The following RICTOR variants were observed in gnomAD, a reference collection of about 807,000 sequenced individuals.
The protein encoded by RICTOR is rapamycin-insensitive companion of mTOR.
Under a neutral mutation model 214.9 loss-of-function variants are expected in RICTOR, and 49 were observed. The observed-to-expected ratio is 0.23, with a 90% CI of 0.18 to 0.29. RICTOR has a LOEUF of 0.29. Ranked by LOEUF, RICTOR falls within the 10% of genes least tolerant of loss-of-function variation. The pLI, the probability that RICTOR is intolerant of heterozygous loss-of-function variation, is 1.00. For missense variants in RICTOR, 1,625 were observed against 2,047.0 expected (o/e 0.79, Z 3.98); for synonymous variants, 717 against 711.3 (o/e 1.01, Z -0.13).
intron 7 of RICTOR, among the ~76,000 whole-genome samples, chr5:38,990,628 T>TATC (rs1752575342): frequency 5.2e-5 from 5 of 95,660 alleles, no homozygotes; most frequent in African/African-American, 2.0e-4. Flanking sequence ...ATATATGATA[T>TATC]ATATATCTGA....
intron 7 of RICTOR, 94 bp downstream of exon 7, chr5:38,990,855 T>TATGATATATATATGATAG (rs143738262): frequency 7.2e-5 from 11 of 152,562 alleles, no homozygotes; most frequent in African/African-American, 4.0e-4. Context: ...ATATATGATA[T>TATGATATATATATGATAG]ATATATGATA....
At chr5:39,008,223 A>AT (rs1561526370) in intron 3 of RICTOR, among the ~76,000 whole-genome samples, 1 of 152,070 alleles carries the variant, frequency 6.6e-6, no homozygotes, top group Non-Finnish European at 1.5e-5. Flanking sequence ...AACACCAAAA[A>AT]TTTTTTTAAC....
chr5:39,054,223 G>C (rs1421764463), intron 2 of RICTOR, among the ~76,000 whole-genome samples: 1 of 152,010 alleles, frequency 6.6e-6, no homozygotes. Context: ...GCTGTGAAAT[G>C]AAAGACAAGA....
intron 11 of RICTOR, among the ~76,000 whole-genome samples, chr5:38,969,318 A>C (rs1750532100): frequency 6.6e-6 from 1 of 152,094 alleles, no homozygotes; most frequent in Admixed American, 6.5e-5. Context: ...AAAAAATTTA[A>C]AAACAGAAAA....
Position 38,941,139 on chromosome 5 carries a change from C to G in RICTOR, c.*1165G>C, listed in dbSNP as rs1353371024. ...CATATACAAATTAAACAAACAAAAA[C>G]CTTGCCCTCATCAACTTAACTTCAC... is the stretch of plus-strand genomic sequence containing the variant. On this transcript the variant is annotated 3_prime_UTR_variant, in exon 38 of 38. Transcript: ENST00000357387. 4.3e-6 allele frequency: 1 copy of G among 232,744 alleles called. No homozygotes were observed. Among genetic ancestry groups the G allele is most frequent in the Non-Finnish European group, 8.5e-6 (1 of 117,606 alleles). The allele number at this position is 232,744 out of a possible 1,614,324, so 14.4% of individuals were successfully genotyped here.
At chr5:38,987,894 T>C (rs1386712762) in intron 7 of RICTOR, among the ~76,000 whole-genome samples, 1 of 152,216 alleles carries the variant, frequency 6.6e-6, no homozygotes, top group Non-Finnish European at 1.5e-5. Flanking sequence ...CCAGAGATTC[T>C]GGTATGCTGT....
chr5:38,978,793 G>T, intron 8 of RICTOR, 143 bp from the exon 9 acceptor site: 4 of 471,450 alleles, frequency 8.5e-6, no homozygotes, highest in Non-Finnish European at 7.5e-6. Context: ...TCATCATCAG[G>T]GAATATGTTT....
chr5:38,960,251 C>G, intron 20 of RICTOR, 147 bp downstream of exon 20: 2 of 834,712 alleles, frequency 2.4e-6, no homozygotes, highest in South Asian at 3.4e-5. Context: ...GGATTCAACT[C>G]TAGGTCTGGG....
At chr5:39,020,478 A>G (rs1755333446) in intron 3 of RICTOR, among the ~76,000 whole-genome samples, 1 of 152,160 alleles carries the variant, frequency 6.6e-6, no homozygotes, top group Non-Finnish European at 1.5e-5. Context: ...AAACCCCACA[A>G]TTTGCTGAAG....
In RICTOR at chr5:38,950,636, G is replaced by A. The variant is rs1748681675; in HGVS notation, c.3212C>T (p.Thr1071Ile). The A allele has an allele frequency of 6.2e-7, 1 of 1,612,740 alleles. No homozygotes were observed. The highest frequency in any genetic ancestry group is 8.5e-7 in the Non-Finnish European group (1 of 1,179,150). Residue 1071 changes from threonine to isoleucine, a missense_variant, in exon 31 of 38, where the codon ACA becomes ATA. Coordinates refer to ENST00000357387, the MANE Select transcript of RICTOR (RefSeq NM_152756.5). ...TATGGGTCCAGATCGGTCATAAAAT[G>A]TTGGCTCTGTATCTTCATTGATATC... The part of the protein sequence containing the change: ...FLDINEDTEP[T>I]FYDRSGPIKD...
At chr5:39,048,291 T>G (rs1403719994) in intron 2 of RICTOR, among the ~76,000 whole-genome samples, 1 of 152,200 alleles carries the variant, frequency 6.6e-6, no homozygotes, top group Non-Finnish European at 1.5e-5. Context: ...TGCTTATCTT[T>G]AAAAAGGCCT....
intron 2 of RICTOR, among the ~76,000 whole-genome samples, chr5:39,071,069 CA>C (rs1489154494): frequency 6.6e-6 from 1 of 152,160 alleles, no homozygotes; most frequent in Non-Finnish European, 1.5e-5. Context: ...AGCACTAACA[CA>C]AGTACCAAAA....
chr5:39,004,406 T>A (rs1170683366), intron 3 of RICTOR, among the ~76,000 whole-genome samples: 2 of 152,208 alleles, frequency 1.3e-5, no homozygotes, highest in African/African-American at 4.8e-5. Context: ...AGTTGTGAAG[T>A]CTGCCATCAG....
chr5:39,055,525 T>C (rs868092394), intron 2 of RICTOR, among the ~76,000 whole-genome samples: 1 of 149,254 alleles, frequency 6.7e-6, no homozygotes, highest in Non-Finnish European at 1.5e-5. Flanking sequence ...CCCTAGACTA[T>C]AGGTCCATCA....
At chr5:39,043,356 A>T (rs1309282257) in intron 2 of RICTOR, among the ~76,000 whole-genome samples, 2 of 152,176 alleles carry the variant, frequency 1.3e-5, no homozygotes, top group Non-Finnish European at 2.9e-5. Context: ...AACCAGGAGG[A>T]CATGATCTTA....
chr5:39,057,568 G>T (rs1479790443), intron 2 of RICTOR, among the ~76,000 whole-genome samples: 1 of 152,034 alleles, frequency 6.6e-6, no homozygotes, highest in African/African-American at 2.4e-5. Flanking sequence ...ATATATAAGA[G>T]CAATAAATAA....
rs775936788 is a variant in RICTOR at position 38,978,583 on chromosome 5, T to C, written c.821A>G (p.Lys274Arg). Residue 274 changes from lysine (K) to arginine (R), a missense_variant and splice_region_variant, in exon 9 of 38, where the codon AAA (lysine) becomes AGA (arginine). By Grantham distance (26) the Lys-to-Arg change is conservative. Coordinates refer to ENST00000357387, the MANE Select transcript of RICTOR (RefSeq NM_152756.5). Reference sequence around the variant, plus strand: ...ATTATTAGGAACCAATGTTACTTACTTGAGCTGTCCTTCAGCTGTATCTGG... The same window carrying C: ...ATTATTAGGAACCAATGTTACTTACCTGAGCTGTCCTTCAGCTGTATCTGG... The part of the protein sequence containing the change: ...HSPDTAEGQL[K>R]EDREARFLAS... 1 of 1,526,866 alleles carries C rather than the reference T, an allele frequency of 6.5e-7. No individual in the cohort carries two copies. Among genetic ancestry groups the C allele is most frequent in the Non-Finnish European group, 9.0e-7 (1 of 1,108,560 alleles). 94.6% of individuals were successfully genotyped at this position (1,526,866 alleles called of 1,614,324 possible).
At chr5:38,997,427 G>A (rs763305788) in intron 5 of RICTOR, among the ~76,000 whole-genome samples, 37 of 152,072 alleles carry the variant, frequency 2.4e-4, no homozygotes, top group Non-Finnish European at 4.3e-4. Flanking sequence ...AAATTATCCA[G>A]TTTTGAAAGT....
intron 16 of RICTOR, 74 bp from the exon 17 acceptor site, chr5:38,963,115 T>C (rs1256719305): frequency 9.5e-7 from 1 of 1,052,960 alleles, no homozygotes; most frequent in East Asian, 2.5e-5. Context: ...GGTAAATTAT[T>C]AAAGCTTACG....
Sources: gnomAD v4.1 joint callset for allele counts (sites outside exome capture counted in the v4.1 genomes callset) on GRCh38, gnomAD v4.1.1 for gene constraint, MANE v1.5 for transcripts, NCBI Gene and HGNC (gene_info 2026-07-23, HGNC 2026-07-21) for gene names.